Variants in DNAI7 observed in about 807,000 individuals in gnomAD.
DNAI7 encodes cancer susceptibility 1.
A neutral mutation model predicts 86.6 loss-of-function variants in DNAI7; 78 were observed. The observed-to-expected ratio is 0.90, with a 90% CI of 0.75 to 1.09. The LOEUF is 1.09. Ranked by LOEUF, DNAI7 falls within the 50% of genes least tolerant of loss-of-function variation. The probability of loss-of-function intolerance (pLI) is 0.00; values close to 1 mark genes in which losing one functional copy is unlikely to be tolerated. For synonymous variants in DNAI7, 274 were observed against 273.0 expected (o/e 1.00, Z -0.04); for missense variants, 753 against 810.2 (o/e 0.93, Z 0.86).
Position 25,114,877 on chromosome 12 carries a change from A to T in DNAI7, c.1397-7T>A. The T allele has an allele frequency of 6.3e-7, 1 of 1,591,976 alleles. No homozygotes were observed. The highest frequency in any genetic ancestry group is 2.2e-5 in the East Asian group (1 of 44,678). ...TCAGTTCTCCAATGTTTACCTTTAT[A>T]ATTGATGAAGAAAGTGACACTAGTT... On this transcript the variant is annotated splice_region_variant and splice_polypyrimidine_tract_variant and intron_variant, in intron 12 of 15. Coordinates refer to ENST00000395987, the MANE Select transcript of DNAI7 (RefSeq NM_018272.5).
chr12:25,109,141 T>A (rs1186675480), intron 15 of DNAI7, among the ~76,000 whole-genome samples: 1 of 152,174 alleles, frequency 6.6e-6, no homozygotes, highest in African/African-American at 2.4e-5. Context: ...ACAACATATA[T>A]AAATAACAAC....
chr12:25,174,348 T>TCC (rs1478701861), intron 2 of DNAI7, among the ~76,000 whole-genome samples: 5 of 102,806 alleles, frequency 4.9e-5, no homozygotes, highest in African/African-American at 1.9e-4. Context: ...GATATATATA[T>TCC]GATATATATA....
intron 9 of DNAI7, among the ~76,000 whole-genome samples, chr12:25,128,578 C>T (rs1031800648): frequency 6.6e-6 from 1 of 152,142 alleles, no homozygotes; most frequent in African/African-American, 2.4e-5. Flanking sequence ...ACTTGCATCC[C>T]CCAAACTTAC....
At chr12:25,156,425 A>G in intron 4 of DNAI7, among the ~76,000 whole-genome samples, 1 of 152,224 alleles carries the variant, frequency 6.6e-6, no homozygotes, top group South Asian at 2.1e-4. Flanking sequence ...ACTTGTATCT[A>G]TCACTGTAAG....
At chr12:25,125,191 C>T (rs1941949469) in intron 9 of DNAI7, among the ~76,000 whole-genome samples, 1 of 152,126 alleles carries the variant, frequency 6.6e-6, no homozygotes, top group Non-Finnish European at 1.5e-5. Flanking sequence ...TGAGGAATCA[C>T]CATATTGCTT....
rs1366460816 is a variant in DNAI7, at chr12:25,132,594, T to C, written c.1003-9308A>G. Among the ~76,000 whole-genome samples, 4 of 150,554 alleles carry C rather than the reference T, an allele frequency of 2.7e-5. 1 individual carries two copies. Among genetic ancestry groups the C allele is most frequent in the African/African-American group, 7.5e-5 (3 of 39,890 alleles). Reference sequence around the variant, plus strand: ...AATCATTTTTATTTATTTTGTTCTATTATTTTCTAATAATAAATTACTATA... The same window carrying C: ...AATCATTTTTATTTATTTTGTTCTACTATTTTCTAATAATAAATTACTATA... On this transcript the variant is annotated intron_variant, in intron 9 of 15. Transcript: ENST00000395987.
chr12:25,128,338 A>G (rs1031162008), intron 9 of DNAI7, among the ~76,000 whole-genome samples: 3 of 152,226 alleles, frequency 2.0e-5, no homozygotes, highest in African/African-American at 7.2e-5. Flanking sequence ...TACAGCATTA[A>G]TTAAGAATAA....
chr12:25,126,516 C>G, intron 9 of DNAI7, among the ~76,000 whole-genome samples: 1 of 152,010 alleles, frequency 6.6e-6, no homozygotes, highest in East Asian at 1.9e-4. Context: ...TAAAAGCAAT[C>G]TAACTTGAGG....
chr12:25,128,879 G>A (rs1238934836), intron 9 of DNAI7, among the ~76,000 whole-genome samples: 1 of 151,858 alleles, frequency 6.6e-6, no homozygotes, highest in Non-Finnish European at 1.5e-5. Context: ...AACCTTTCAG[G>A]GCCATACATC....
chr12:25,173,470 T>G (rs1277896050), intron 2 of DNAI7, among the ~76,000 whole-genome samples: 1 of 152,068 alleles, frequency 6.6e-6, no homozygotes, highest in Non-Finnish European at 1.5e-5. Context: ...GGCATGGATA[T>G]GGTGAACAGG....
At chr12:25,157,520 C>G (rs1386596158) in intron 4 of DNAI7, among the ~76,000 whole-genome samples, 1 of 152,014 alleles carries the variant, frequency 6.6e-6, no homozygotes, top group Non-Finnish European at 1.5e-5. Flanking sequence ...ACAATGCCAT[C>G]ATTTCCTTAA....
In DNAI7 at chr12:25,166,522, A is replaced by C. The variant is rs374495865; in HGVS notation, c.22-5325T>G. On this transcript the variant is annotated intron_variant, in intron 2 of 15. Transcript: ENST00000395987. Reference sequence around the variant, plus strand: ...GCTATACTGCCGCAAAGCTTCACAGACAGCCCCCATTACTTCAGTCAAGCC... The same window carrying C: ...GCTATACTGCCGCAAAGCTTCACAGCCAGCCCCCATTACTTCAGTCAAGCC... Among the ~76,000 whole-genome samples the C allele has an allele frequency of 3.3e-5, 5 of 152,296 alleles. No homozygotes were observed. The East Asian group carries it at 7.7e-4, about 23-fold the overall frequency.
At chr12:25,194,464 A>C (rs1281872852) in intron 1 of DNAI7, among the ~76,000 whole-genome samples, 1 of 152,202 alleles carries the variant, frequency 6.6e-6, no homozygotes, top group Non-Finnish European at 1.5e-5. Context: ...TAATTATAGA[A>C]AATGTCTTGA....
downstream of DNAI7, chr12:25,107,116 A>G: frequency 1.2e-6 from 1 of 829,572 alleles, no homozygotes; most frequent in East Asian, 2.8e-5. Context: ...CAGGGCTGAC[A>G]GTATTAATCC....
intron 6 of DNAI7, among the ~76,000 whole-genome samples, chr12:25,153,198 G>C (rs1177555848): frequency 6.6e-6 from 1 of 152,102 alleles, no homozygotes; most frequent in Admixed American, 6.5e-5. Context: ...GAGGCTGCTG[G>C]ATCATTTGAG....
chr12:25,174,742 T>TAG (rs1948768371), intron 2 of DNAI7, among the ~76,000 whole-genome samples: 5 of 144,848 alleles, frequency 3.5e-5, no homozygotes, highest in African/African-American at 1.3e-4. Flanking sequence ...ATATGGAATA[T>TAG]ATATATCATA....
intron 2 of DNAI7, among the ~76,000 whole-genome samples, chr12:25,163,428 C>G (rs947273045): frequency 1.3e-5 from 2 of 152,186 alleles, no homozygotes; most frequent in South Asian, 4.1e-4. Context: ...TGTGACCCCC[C>G]ACTCCTGCCT....
At chr12:25,144,341 T>G (rs761455908) in intron 9 of DNAI7, 24 bp downstream of exon 9, 7 of 1,568,614 alleles carry the variant, frequency 4.5e-6, no homozygotes, top group Non-Finnish European at 5.2e-6. Flanking sequence ...AATAAAAAAA[T>G]GTGTATATTT....
intron 1 of DNAI7, among the ~76,000 whole-genome samples, chr12:25,191,472 A>G (rs1950513009): frequency 6.6e-6 from 1 of 152,142 alleles, no homozygotes; most frequent in African/African-American, 2.4e-5. Context: ...TGGGCGGCTG[A>G]GGAAGGTGGA....
Sources: gnomAD v4.1 joint callset for allele counts (sites outside exome capture counted in the v4.1 genomes callset) on GRCh38, gnomAD v4.1.1 for gene constraint, MANE v1.5 for transcripts, NCBI Gene and HGNC (gene_info 2026-07-23, HGNC 2026-07-21) for gene names.